Variants in SGTB observed in about 807,000 individuals in gnomAD.
SGTB encodes the protein small glutamine-rich tetratricopeptide repeat-containing protein beta.
A neutral mutation model predicts 43.9 loss-of-function variants in SGTB; 19 were observed. The observed-to-expected ratio is 0.43, with a 90% CI of 0.30 to 0.63. The LOEUF is 0.63. Ranked by LOEUF, SGTB falls within the 30% of genes least tolerant of loss-of-function variation. The pLI is 0.12. For missense variants in SGTB, 304 were observed against 358.9 expected (o/e 0.85, Z 1.24); for synonymous variants, 116 against 117.3 (o/e 0.99, Z 0.07).
chr5:65,675,581 C>A (rs1427979766), intron 8 of SGTB, among the ~76,000 whole-genome samples: 2 of 152,082 alleles, frequency 1.3e-5, no homozygotes, highest in Non-Finnish European at 2.9e-5. Flanking sequence ...AAGAACCCTG[C>A]CATTCAGCCA....
intron 3 of SGTB, among the ~76,000 whole-genome samples, chr5:65,710,509 G>GA (rs1202257779): frequency 6.6e-6 from 1 of 151,448 alleles, no homozygotes; most frequent in Non-Finnish European, 1.5e-5. Context: ...CATAATTGGA[G>GA]AAAAAAAATA....
At chr5:65,680,422 T>TA (rs891635309) in intron 8 of SGTB, 72 bp downstream of exon 8, 55 of 1,513,386 alleles carry the variant, frequency 3.6e-5, no homozygotes, top group Middle Eastern at 1.7e-4. Context: ...CACTTGTTTC[T>TA]AAAAAAAATT....
chr5:65,682,413 T>A (rs936578213), intron 6 of SGTB, among the ~76,000 whole-genome samples: 1 of 152,174 alleles, frequency 6.6e-6, no homozygotes, highest in East Asian at 1.9e-4. Context: ...ACGTAGAGGA[T>A]CTACATGGGC....
At chr5:65,688,028 C>T (rs986974718) in intron 5 of SGTB, among the ~76,000 whole-genome samples, 2 of 152,194 alleles carry the variant, frequency 1.3e-5, no homozygotes, top group African/African-American at 4.8e-5. Flanking sequence ...CTCGGCCTCC[C>T]CAAGTGCTGG....
Position 65,708,515 on chromosome 5 carries a change from C to T in SGTB, c.248G>A (p.Gly83Glu). 1 of 1,613,364 alleles carries T rather than the reference C, an allele frequency of 6.2e-7. No homozygotes were observed. The highest frequency in any genetic ancestry group is 8.5e-7 in the Non-Finnish European group (1 of 1,179,768). Reference protein sequence around the residue: ...PLSNSVPEDVGKADQLKDEGN... With the variant: ...PLSNSVPEDVEKADQLKDEGN... ...TTCATCTTTTAATTGGTCAGCTTTTCCCACATCTTCAGGCACTGAGTTTGA... is the reference window on the plus strand; with the variant it reads ...TTCATCTTTTAATTGGTCAGCTTTTTCCACATCTTCAGGCACTGAGTTTGA... The change falls in exon 4 of 11, where the codon GGA (glycine) becomes GAA (glutamate). Residue 83 changes from glycine (G) to glutamate (E), a missense_variant. Physicochemically the swap from Gly to Glu is moderately conservative, Grantham distance 98. Coordinates refer to ENST00000381007, the MANE Select transcript of SGTB (RefSeq NM_019072.3).
chr5:65,710,273 T>C (rs1758019896), intron 3 of SGTB, among the ~76,000 whole-genome samples: 1 of 152,176 alleles, frequency 6.6e-6, no homozygotes, highest in Non-Finnish European at 1.5e-5. Context: ...CTAGGCACTT[T>C]ATACATGGGA....
intron 8 of SGTB, among the ~76,000 whole-genome samples, chr5:65,677,473 C>T (rs1261448937): frequency 1.3e-5 from 2 of 152,114 alleles, no homozygotes; most frequent in Non-Finnish European, 2.9e-5. Flanking sequence ...AGGATCTCCT[C>T]CCTAATTCAT....
upstream of SGTB, chr5:65,722,318 C>T: frequency 6.9e-7 from 1 of 1,456,616 alleles, no homozygotes; most frequent in Non-Finnish European, 9.2e-7. Flanking sequence ...CCGCCCGCCT[C>T]GCCGCCCCAC....
Position 65,666,514 on chromosome 5 carries a change from A to G in SGTB, c.*3732T>C, listed in dbSNP as rs979392327. 3 of 152,224 alleles carry G rather than the reference A, an allele frequency of 2.0e-5. No individual in the cohort carries two copies. Among genetic ancestry groups the G allele is most frequent in the African/African-American group, 4.8e-5 (2 of 41,472 alleles). 9.4% of individuals were successfully genotyped at this position (152,224 alleles called of 1,614,324 possible). On this transcript the variant is annotated 3_prime_UTR_variant, in exon 11 of 11. Transcript: ENST00000381007. The stretch of plus-strand genomic sequence containing the variant: ...GTACGATGCTTAAAGAGTTACTTTA[A>G]TAATGCCCTCTTATTTTTCTAGTTA...
chr5:65,674,344 A>G (rs931199787), intron 8 of SGTB, among the ~76,000 whole-genome samples: 2 of 152,154 alleles, frequency 1.3e-5, no homozygotes, highest in African/African-American at 4.8e-5. Flanking sequence ...CACTTCCAGG[A>G]AAGCCTCTTG....
chr5:65,699,135 G>C (rs1248417433), intron 5 of SGTB, among the ~76,000 whole-genome samples: 1 of 152,176 alleles, frequency 6.6e-6, no homozygotes, highest in East Asian at 1.9e-4. Context: ...CCAACTAAGG[G>C]CTCATCGGCC....
intron 4 of SGTB, among the ~76,000 whole-genome samples, chr5:65,707,705 T>A (rs1345538824): frequency 6.6e-6 from 1 of 152,160 alleles, no homozygotes; most frequent in Admixed American, 6.5e-5. Flanking sequence ...AGTGCTGGGA[T>A]TACAGGTGTA....
At chr5:65,691,862 C>T (rs1229803238) in intron 5 of SGTB, among the ~76,000 whole-genome samples, 2 of 149,354 alleles carry the variant, frequency 1.3e-5, no homozygotes, top group East Asian at 2.0e-4. Flanking sequence ...ACCCGGGAGG[C>T]GGAGCTTGCA....
rs368877824 is a variant in SGTB, at chr5:65,698,614, G to T, written c.374+5665C>A. Among the ~76,000 whole-genome samples the T allele has an allele frequency of 2.5e-4, 38 of 152,268 alleles. 1 individual carries two copies. The East Asian group carries it at 4.0e-3, about 16-fold the overall frequency. ...TAAACAGACAACCCACAGAATTGGA[G>T]AAAATATTTGCAAACTGTGCATCCA... On this transcript the variant is annotated intron_variant, in intron 5 of 10. Coordinates refer to ENST00000381007, the MANE Select transcript of SGTB (RefSeq NM_019072.3).
intron 6 of SGTB, among the ~76,000 whole-genome samples, chr5:65,681,616 C>T (rs1757398660): frequency 6.6e-6 from 1 of 152,032 alleles, no homozygotes; most frequent in Non-Finnish European, 1.5e-5. Flanking sequence ...AGAGTCAAGT[C>T]AGTAACTATT....
chr5:65,722,489 AC>A (rs1758336852), upstream of SGTB: 2 of 1,347,112 alleles, frequency 1.5e-6, no homozygotes, highest in African/African-American at 1.5e-5. Context: ...TGGAGCCCGG[AC>A]CCACCCCTTC....
At chr5:65,717,156 T>C (rs974968248) in intron 2 of SGTB, among the ~76,000 whole-genome samples, 2 of 152,126 alleles carry the variant, frequency 1.3e-5, no homozygotes, top group African/African-American at 4.8e-5. Context: ...ATCACTAATG[T>C]CCTTGATGAG....
At chr5:65,712,123 T>G (rs1443325286) in intron 3 of SGTB, among the ~76,000 whole-genome samples, 2 of 151,962 alleles carry the variant, frequency 1.3e-5, no homozygotes, top group African/African-American at 4.8e-5. Context: ...AAAAATTAAC[T>G]GGGTGTAGTG....
rs1169303535 is a variant in SGTB, at chr5:65,668,865, A to AAAAT, written c.*1380_*1381insATTT. The AAAAT allele has an allele frequency of 6.6e-6, 1 of 152,142 alleles. No homozygotes were observed. The highest frequency in any genetic ancestry group is 6.5e-5 in the Admixed American group (1 of 15,270). 9.4% of individuals were successfully genotyped at this position (152,142 alleles called of 1,614,324 possible). On this transcript the variant is annotated 3_prime_UTR_variant, in exon 11 of 11. Transcript: ENST00000381007. ...GGAGGTTGCAGTGAGCTGACATTGC[A>AAAAT]ACACCACTCTAGCCTGGCAAAAGAG...
Sources: allele counts gnomAD v4.1 joint callset (sites outside exome capture counted in the v4.1 genomes callset), GRCh38; gene constraint gnomAD v4.1.1; transcripts MANE v1.5; gene names NCBI Gene and HGNC (gene_info 2026-07-23, HGNC 2026-07-21).